The following ABCA5 variants were observed in gnomAD, a reference collection of about 807,000 sequenced individuals.
The protein encoded by ABCA5 is cholesterol transporter ABCA5.
Under a neutral mutation model 206.0 loss-of-function variants are expected in ABCA5, and 163 were observed. That is an observed-to-expected ratio of 0.79 (90% confidence interval 0.70 to 0.90). ABCA5 has a LOEUF of 0.90. Among genes scored for constraint, ABCA5 ranks in the 40% least tolerant of loss-of-function variants. The pLI is 0.00. For synonymous variants in ABCA5, 609 were observed against 613.8 expected, an observed-to-expected ratio of 0.99 and a Z score of 0.11; for missense variants, 1,859 against 1,912.9, an observed-to-expected ratio of 0.97 and a Z score of 0.53.
chr17:69,272,527 A>G (rs1204603478), intron 20 of ABCA5, among the ~76,000 whole-genome samples: 1 of 152,160 alleles, frequency 6.6e-6, no homozygotes, highest in Non-Finnish European at 1.5e-5. Context: ...AAAAAGAAAT[A>G]TTTGAGATAC....
At chr17:69,294,309 G>T (rs2075562214) in intron 11 of ABCA5, among the ~76,000 whole-genome samples, 1 of 152,148 alleles carries the variant, frequency 6.6e-6, no homozygotes, top group Middle Eastern at 3.4e-3. Flanking sequence ...AACCACCTGA[G>T]GTCAGGAGTT....
At chr17:69,300,425 C>T (rs1252459979) in intron 9 of ABCA5, among the ~76,000 whole-genome samples, 1 of 152,090 alleles carries the variant, frequency 6.6e-6, no homozygotes, top group African/African-American at 2.4e-5. Flanking sequence ...AGATCTGTGT[C>T]CTGGGGGTTG....
In ABCA5 at chr17:69,314,339, C is replaced by T. The variant is rs1215729980; in HGVS notation, c.77G>A (p.Cys26Tyr). 9 of 1,612,760 alleles carry T rather than the reference C, an allele frequency of 5.6e-6. No individual in the cohort carries two copies. The South Asian group carries it at 9.9e-5, about 18-fold the overall frequency. ...TLLLKNYLIK[C>Y]RTKKSSVQEI... is the part of the protein sequence containing the mutation. ...CTGAACACTACTCTTTTTGGTTCTGCATTTAATTAAGTAATTCTTCAGTAG... is the reference window on the plus strand; with the variant it reads ...CTGAACACTACTCTTTTTGGTTCTGTATTTAATTAAGTAATTCTTCAGTAG... Residue 26 changes from cysteine (C) to tyrosine (Y), a missense_variant, in exon 2 of 39, where the codon TGC becomes TAC. Physicochemically the swap from Cys to Tyr is radical, Grantham distance 194 (BLOSUM62 -2). Transcript: ENST00000392676.
At chr17:69,284,927 G>A (rs556556114) in intron 17 of ABCA5, among the ~76,000 whole-genome samples, 5 of 152,220 alleles carry the variant, frequency 3.3e-5, no homozygotes, top group South Asian at 2.1e-4. Flanking sequence ...GTGAAATACC[G>A]TGACAATTTT....
In ABCA5 at chr17:69,304,766, G is replaced by A; in HGVS notation, c.833C>T (p.Ser278Phe). ...LLYTSLIFLM[S>F]LLMAVIATAS... ...TGTCGCAATGACTGCCATAAGAAGG[G>A]ACATAAGAAAAATTAAACTTGTATA... Residue 278 changes from serine (S) to phenylalanine (F), a missense_variant, in exon 7 of 39, where the codon TCC becomes TTC. By Grantham distance (155) the Ser-to-Phe change is radical (BLOSUM62 -2). Transcript: ENST00000392676. 3 of 1,607,322 alleles carry A rather than the reference G, an allele frequency of 1.9e-6. No individual in the cohort carries two copies. The highest frequency in any genetic ancestry group is 1.7e-5 in the Admixed American group (1 of 59,128).
At position 69,251,787 on chromosome 17, in the gene ABCA5, C is replaced by T. The variant is rs748443758; in HGVS notation, c.4495G>A (p.Val1499Ile). Residue 1499 changes from valine to isoleucine, a missense_variant, in exon 35 of 39, where the codon GTC becomes ATC. Physicochemically the swap from Val to Ile is conservative, Grantham distance 29 (BLOSUM62 3). Transcript: ENST00000392676. ...TTHYMEEAEA[V>I]CDRVAIMVSG... The stretch of plus-strand genomic sequence containing the variant: ...ACCATGATAGCTACTCGATCACAGA[C>T]AGCCTCTGCCTCCTCCATATAGTGA... The T allele has an allele frequency of 1.2e-6, 2 of 1,613,970 alleles. No homozygotes were observed. Among genetic ancestry groups the T allele is most frequent in the Non-Finnish European group, 1.7e-6 (2 of 1,180,010 alleles).
At chr17:69,303,370 GCCT>G (rs1473343017) in intron 7 of ABCA5, among the ~76,000 whole-genome samples, 4 of 151,874 alleles carry the variant, frequency 2.6e-5, no homozygotes, top group Non-Finnish European at 5.9e-5. Flanking sequence ...TTCTTGCCTT[GCCT>G]CCCAAAGTGC....
At chr17:69,290,119 T>C in intron 12 of ABCA5, 82 bp from the exon 13 acceptor site, 1 of 1,025,758 alleles carries the variant, frequency 9.7e-7, no homozygotes, top group Non-Finnish European at 1.4e-6. Context: ...ACTTAGTTAT[T>C]TGGTTATAAC....
intron 1 of ABCA5, among the ~76,000 whole-genome samples, chr17:69,318,570 C>A (rs1567786026): frequency 6.6e-6 from 1 of 150,866 alleles, no homozygotes; most frequent in Non-Finnish European, 1.5e-5. Context: ...GTATTACTTA[C>A]ATAGTAAAAA....
chr17:69,297,156 T>C, intron 10 of ABCA5, 35 bp downstream of exon 10: 2 of 1,584,778 alleles, frequency 1.3e-6, no homozygotes. Flanking sequence ...TCATCAGCAG[T>C]TCTTATACCT....
At chr17:69,273,441 T>TTTATTTATTTA (rs1242748022) in intron 20 of ABCA5, among the ~76,000 whole-genome samples, 11 of 45,106 alleles carry the variant, frequency 2.4e-4, no homozygotes, top group African/African-American at 6.1e-4. Flanking sequence ...GTATAAATTT[T>TTTATTTATTTA]TTTAACTATT....
intron 10 of ABCA5, 39 bp from the exon 11 acceptor site, chr17:69,294,752 AT>A: frequency 7.4e-7 from 1 of 1,355,082 alleles, no homozygotes; most frequent in South Asian, 1.3e-5. Context: ...ATTTAAAGCA[AT>A]TTATAAGTAT....
intron 10 of ABCA5, among the ~76,000 whole-genome samples, chr17:69,295,020 A>C (rs2075570840): frequency 6.6e-6 from 1 of 152,082 alleles, no homozygotes; most frequent in African/African-American, 2.4e-5. Context: ...GATAACATAA[A>C]CCGTTGTTTA....
chr17:69,321,918 C>T lies in ABCA5; in HGVS notation c.-16+5134G>A, dbSNP rs563535964. Among the ~76,000 whole-genome samples the T allele has an allele frequency of 1.8e-4, 27 of 152,130 alleles. 1 individual carries two copies. The South Asian group carries it at 2.3e-3, about 13-fold the overall frequency. ...TTAACTTTCCTAGATAAATAATTTA[C>T]TAGATAAAATAATTTATACTAAATC... On this transcript the variant is annotated intron_variant, in intron 1 of 38. Coordinates refer to ENST00000392676, the MANE Select transcript of ABCA5 (RefSeq NM_172232.4).
intron 24 of ABCA5, among the ~76,000 whole-genome samples, chr17:69,262,117 T>C (rs1483474890): frequency 6.6e-6 from 1 of 152,188 alleles, no homozygotes; most frequent in Admixed American, 6.6e-5. Flanking sequence ...AACTCTGTTT[T>C]CCCTTTTTCC....
intron 20 of ABCA5, 42 bp downstream of exon 20, chr17:69,273,917 C>T (rs761658957): frequency 6.4e-7 from 1 of 1,556,814 alleles, no homozygotes; most frequent in South Asian, 1.2e-5. Flanking sequence ...CAACCCCATG[C>T]TCCATGCCAA....
chr17:69,303,845 C>CATACAT (rs2075685571), intron 7 of ABCA5, among the ~76,000 whole-genome samples: 2 of 6,194 alleles, frequency 3.2e-4, no homozygotes, highest in African/African-American at 5.5e-4. Context: ...TATATACATA[C>CATACAT]ATATATATAT....
chr17:69,293,164 T>TACAC (rs141471808), intron 11 of ABCA5, among the ~76,000 whole-genome samples: 187 of 149,702 alleles, frequency 1.2e-3, no homozygotes, highest in African/African-American at 2.3e-3. Context: ...ACCAACAGAA[T>TACAC]ACACACACAC....
At chr17:69,281,481 G>T (rs1363894644) in intron 18 of ABCA5, among the ~76,000 whole-genome samples, 8 of 152,114 alleles carry the variant, frequency 5.3e-5, no homozygotes, top group Non-Finnish European at 1.2e-4. Flanking sequence ...ACTAAAAGCA[G>T]AATGCCCACT....
Sources: gnomAD v4.1 joint callset for allele counts (sites outside exome capture counted in the v4.1 genomes callset) on GRCh38, gnomAD v4.1.1 for gene constraint, MANE v1.5 for transcripts, NCBI Gene and HGNC (gene_info 2026-07-23, HGNC 2026-07-21) for gene names.